KLHL29: variants seen among roughly 807,000 people sequenced by gnomAD.
The protein encoded by KLHL29 is kelch-like protein 29.
Under a neutral mutation model 80.4 loss-of-function variants are expected in KLHL29, and 21 were observed. The ratio of observed to expected loss-of-function variants is 0.26; its 90% CI spans 0.19 to 0.38. KLHL29 has a LOEUF of 0.38. KLHL29 is among the 10% of genes least tolerant of loss of function. KLHL29 has a pLI of 1.00. For synonymous variants in KLHL29, 511 were observed against 526.8 expected, an observed-to-expected ratio of 0.97 and a Z score of 0.41; for missense variants, 867 against 1,223.9, an observed-to-expected ratio of 0.71 and a Z score of 4.35.
In KLHL29 at chr2:23,708,520, C is replaced by A. The variant is rs535322978; in HGVS notation, c.*1856C>A. 1 of 152,302 alleles carries A rather than the reference C, an allele frequency of 6.6e-6. No individual in the cohort carries two copies. The highest frequency in any genetic ancestry group is 6.5e-5 in the Admixed American group (1 of 15,294). 9.4% of individuals were successfully genotyped at this position (152,302 alleles called of 1,614,324 possible). ...GGCTATTTCTGTGAATGATATAAAACAGGGTTCTCTGTAATGGTATTGTAC... is the reference window on the plus strand; with the variant it reads ...GGCTATTTCTGTGAATGATATAAAAAAGGGTTCTCTGTAATGGTATTGTAC... On this transcript the variant is annotated 3_prime_UTR_variant, in exon 14 of 14. Coordinates refer to ENST00000486442, the MANE Select transcript of KLHL29 (RefSeq NM_052920.2).
At chr2:23,560,338 T>C (rs1667418590) in intron 2 of KLHL29, among the ~76,000 whole-genome samples, 1 of 130,232 alleles carries the variant, frequency 7.7e-6, no homozygotes, top group Non-Finnish European at 1.6e-5. Flanking sequence ...TATCGCGATC[T>C]CAGCTCACTG....
chr2:23,604,657 TGGAG>T (rs1440810277), intron 3 of KLHL29, among the ~76,000 whole-genome samples: 3 of 151,970 alleles, frequency 2.0e-5, no homozygotes, highest in Non-Finnish European at 4.4e-5. Flanking sequence ...ATCTGCAAAA[TGGAG>T]AGAGAGCAAG....
At chr2:23,641,175 C>T (rs1044016398) in intron 4 of KLHL29, among the ~76,000 whole-genome samples, 2 of 152,210 alleles carry the variant, frequency 1.3e-5, no homozygotes, top group Admixed American at 1.3e-4. Context: ...CTCCCAGTTT[C>T]CCTCACAGGC....
chr2:23,637,074 A>AG (rs1290679175), intron 3 of KLHL29, among the ~76,000 whole-genome samples: 1 of 152,114 alleles, frequency 6.6e-6, no homozygotes, highest in African/African-American at 2.4e-5. Flanking sequence ...CACCCCCTCC[A>AG]GGCAGGAGGG....
At chr2:23,683,533 G>A (rs1219855714) in intron 5 of KLHL29, among the ~76,000 whole-genome samples, 2 of 152,222 alleles carry the variant, frequency 1.3e-5, no homozygotes, top group East Asian at 3.9e-4. Flanking sequence ...CCTTGGGGTG[G>A]GTCTGGGAGA....
intron 2 of KLHL29, among the ~76,000 whole-genome samples, chr2:23,499,671 A>G (rs1653759): frequency 0.69 from 104,478 of 152,118 alleles, 36,147 homozygotes; most frequent in African/African-American, 0.76. Flanking sequence ...GCACACAGAG[A>G]CAGCACTGTC....
intron 13 of KLHL29, among the ~76,000 whole-genome samples, chr2:23,706,172 A>G (rs1672708638): frequency 6.6e-6 from 1 of 152,274 alleles, no homozygotes; most frequent in African/African-American, 2.4e-5. Flanking sequence ...AGAAAGCCTC[A>G]GTGACCTGAG....
intron 1 of KLHL29, among the ~76,000 whole-genome samples, chr2:23,403,795 CAG>C (rs1209623140): frequency 1.3e-4 from 19 of 149,398 alleles, no homozygotes; most frequent in African/African-American, 3.2e-4. Flanking sequence ...AGAATTTTCT[CAG>C]TGTTTATTTT....
At position 23,503,837 on chromosome 2, in the gene KLHL29, G is replaced by T. The variant is rs548914192; in HGVS notation, c.-46+28170G>T. ...TCCACACAGTCCTGCACACATTGCC[G>T]TCTTTGTTTAAAGAGAGGCGGAGGC... On this transcript the variant is annotated intron_variant, in intron 2 of 13. Transcript: ENST00000486442. The surrounding 1 kb of genome is among the most constrained non-coding windows in gnomAD (Gnocchi z 4.0). Among the ~76,000 whole-genome samples the T allele has an allele frequency of 6.6e-6, 1 of 152,344 alleles. No homozygotes were observed. Among genetic ancestry groups the T allele is most frequent in the East Asian group, 1.9e-4 (1 of 5,184 alleles).
intron 1 of KLHL29, among the ~76,000 whole-genome samples, chr2:23,439,513 T>C (rs1663448465): frequency 6.6e-6 from 1 of 151,458 alleles, no homozygotes; most frequent in South Asian, 2.1e-4. Flanking sequence ...ATGTTGTGTC[T>C]TTGTTCTCGT....
At chr2:23,426,515 G>T (rs928046902) in intron 1 of KLHL29, among the ~76,000 whole-genome samples, 1 of 152,180 alleles carries the variant, frequency 6.6e-6, no homozygotes, top group South Asian at 2.1e-4. Flanking sequence ...CACCTGGTCC[G>T]CCTGCTACAG....
At chr2:23,529,016 T>G (rs1351436849) in intron 2 of KLHL29, among the ~76,000 whole-genome samples, 2 of 152,366 alleles carry the variant, frequency 1.3e-5, no homozygotes, top group East Asian at 3.9e-4. Context: ...CTTAAGCCTC[T>G]TGTCACTAGA....
At chr2:23,566,075 A>G (rs921622038) in intron 3 of KLHL29, among the ~76,000 whole-genome samples, 3 of 152,216 alleles carry the variant, frequency 2.0e-5, no homozygotes, top group Non-Finnish European at 4.4e-5. Flanking sequence ...GGTGATGACA[A>G]TTCTTTCTGT....
At chr2:23,646,088 G>A (rs1669921909) in intron 5 of KLHL29, among the ~76,000 whole-genome samples, 1 of 152,124 alleles carries the variant, frequency 6.6e-6, no homozygotes, top group Admixed American at 6.5e-5. Flanking sequence ...ATTAAAAATA[G>A]ATTTCATGTG....
chr2:23,628,367 C>G (rs764705225), intron 3 of KLHL29, among the ~76,000 whole-genome samples: 2 of 152,008 alleles, frequency 1.3e-5, no homozygotes, highest in Non-Finnish European at 2.9e-5. Context: ...TCTGGGGAGG[C>G]GCTGGGAAGG....
At chr2:23,674,239 G>T (rs940338654) in intron 5 of KLHL29, among the ~76,000 whole-genome samples, 1 of 148,558 alleles carries the variant, frequency 6.7e-6, no homozygotes, top group African/African-American at 2.5e-5. Context: ...CCCAACACCC[G>T]CCCCTCCCCC....
At chr2:23,530,077 C>T (rs1055924288) in intron 2 of KLHL29, among the ~76,000 whole-genome samples, 1 of 152,124 alleles carries the variant, frequency 6.6e-6, no homozygotes, top group Non-Finnish European at 1.5e-5. Flanking sequence ...GTTGCTATTA[C>T]CCCCATTTAA....
intron 1 of KLHL29, among the ~76,000 whole-genome samples, chr2:23,467,834 C>T (rs567841487): frequency 6.6e-6 from 1 of 152,162 alleles, no homozygotes; most frequent in South Asian, 2.1e-4. Context: ...AGTGTGAAAC[C>T]AACCCAGCAC....
chr2:23,609,076 A>G (rs899032134), intron 3 of KLHL29, among the ~76,000 whole-genome samples: 1 of 152,200 alleles, frequency 6.6e-6, no homozygotes, highest in African/African-American at 2.4e-5. Context: ...GATTCTATCA[A>G]CCTGTTCCCC....
Sources: gnomAD v4.1 joint callset for allele counts (sites outside exome capture counted in the v4.1 genomes callset) on GRCh38, gnomAD v4.1.1 for gene constraint, Gnocchi (gnomAD v3.1) non-coding constraint, MANE v1.5 for transcripts, NCBI Gene and HGNC (gene_info 2026-07-23, HGNC 2026-07-21) for gene names.